The following PPP1R7 variants were observed in gnomAD, a reference collection of about 807,000 sequenced individuals.
The protein encoded by PPP1R7 is protein phosphatase 1 regulatory subunit 22.
A neutral mutation model predicts 45.2 loss-of-function variants in PPP1R7; 18 were observed. That is an observed-to-expected ratio of 0.40 (90% confidence interval 0.28 to 0.59). The LOEUF (loss-of-function observed/expected upper bound fraction) is 0.59, where lower values mean the gene tolerates loss of function less well. Ranked by LOEUF, PPP1R7 falls within the 20% of genes least tolerant of loss-of-function variation. PPP1R7 has a pLI of 0.46. For missense variants in PPP1R7, 314 were observed against 455.8 expected (o/e 0.69, Z 2.83); for synonymous variants, 181 against 183.4 (o/e 0.99, Z 0.11).
At chr2:241,165,788 G>A (rs979928568) in intron 7 of PPP1R7, among the ~76,000 whole-genome samples, 3 of 150,814 alleles carry the variant, frequency 2.0e-5, no homozygotes, top group Admixed American at 6.6e-5. Flanking sequence ...TCGTAGAGAC[G>A]GGGTTTCACC....
chr2:241,149,600 G>C, upstream of PPP1R7: 2 of 1,508,942 alleles, frequency 1.3e-6, no homozygotes, highest in Non-Finnish European at 1.8e-6. Context: ...GGGTTGCTAG[G>C]GACGCACCAA....
chr2:241,181,175 G>A (rs190431725), intron 9 of PPP1R7, among the ~76,000 whole-genome samples: 1 of 152,212 alleles, frequency 6.6e-6, no homozygotes, highest in African/African-American at 2.4e-5. Context: ...TCCAGCCTGG[G>A]CGACAGAGCG....
intron 9 of PPP1R7, among the ~76,000 whole-genome samples, chr2:241,176,118 G>A (rs528809086): frequency 6.6e-6 from 1 of 152,276 alleles, no homozygotes; most frequent in Admixed American, 6.5e-5. Flanking sequence ...TCACTGTGGT[G>A]TCCAGGCTGG....
chr2:241,156,675 T>TA (rs3831865), intron 2 of PPP1R7, among the ~76,000 whole-genome samples: 6 of 151,560 alleles, frequency 4.0e-5, no homozygotes, highest in Non-Finnish European at 7.4e-5. Context: ...CCCTGTCTCT[T>TA]AAAAAAAAAT....
rs751462364 is a variant in PPP1R7 at position 241,160,459 on chromosome 2, C to T, written c.562C>T (p.Leu188=). 3.1e-6 allele frequency: 5 copies of T among 1,610,978 alleles called. No homozygotes were observed. The highest frequency in any genetic ancestry group is 2.7e-5 in the African/African-American group (2 of 74,666). Residue 188 remains leucine (L), a synonymous_variant, in exon 6 of 10, where the codon CTA becomes TTA. Transcript: ENST00000234038. ...KIENLSNLHQ[L]QMLELGSNRI... is the part of the protein sequence containing the mutation. ...TGAGAACTTAAGCAACTTACATCAA[C>T]TACAGATGCTAGAGCTGGGATCTAA...
intron 9 of PPP1R7, among the ~76,000 whole-genome samples, chr2:241,179,326 C>G (rs892337136): frequency 1.3e-5 from 2 of 152,154 alleles, no homozygotes; most frequent in Non-Finnish European, 2.9e-5. Context: ...ACCAGCTGAT[C>G]TGCATGATAA....
At position 241,158,935 on chromosome 2, in the gene PPP1R7, C is replaced by A. The variant is rs535617957; in HGVS notation, c.304-278C>A. On this transcript the variant is annotated intron_variant, in intron 4 of 9. Coordinates refer to ENST00000234038, the MANE Select transcript of PPP1R7 (RefSeq NM_002712.3). Reference sequence around the variant, plus strand: ...CCAGGAAGTGGCAGACACCCACACCCCAGGCCAACGCCTCCCTCCCCAACT... The same window carrying A: ...CCAGGAAGTGGCAGACACCCACACCACAGGCCAACGCCTCCCTCCCCAACT... 6.0e-5 allele frequency: 27 copies of A among 448,428 alleles called. No homozygotes were observed. The Admixed American group carries it at 6.8e-4, about 11-fold the overall frequency. 27.8% of individuals were successfully genotyped at this position (448,428 alleles called of 1,614,324 possible).
In PPP1R7 at chr2:241,158,473, C is replaced by G. The variant is rs374912711; in HGVS notation, c.238-11C>G. 1.2e-5 allele frequency: 19 copies of G among 1,613,610 alleles called. No individual in the cohort carries two copies. The highest frequency in any genetic ancestry group is 1.5e-5 in the Non-Finnish European group (18 of 1,179,630). On this transcript the variant is annotated splice_polypyrimidine_tract_variant and intron_variant, in intron 3 of 9. Transcript: ENST00000234038. ...TGCTATAGCTGAGTATAGATTTCTG[C>G]TTTGTTTCAGGATGTTGATTTGAAT...
chr2:241,161,616 G>A (rs553941689), intron 6 of PPP1R7, among the ~76,000 whole-genome samples: 13 of 152,356 alleles, frequency 8.5e-5, no homozygotes, highest in African/African-American at 2.6e-4. Flanking sequence ...CCTTGAAAAC[G>A]TGGGACAGAA....
rs752950388 is a variant in PPP1R7, at chr2:241,153,446, G to A, written c.53-30G>A. 19 of 1,613,364 alleles carry A rather than the reference G, an allele frequency of 1.2e-5. 1 individual carries two copies. The highest frequency in any genetic ancestry group is 4.0e-5 in the African/African-American group (3 of 74,932). On this transcript the variant is annotated intron_variant, in intron 1 of 9. Coordinates refer to ENST00000234038, the MANE Select transcript of PPP1R7 (RefSeq NM_002712.3). ...TTCCTCAAAGTCCCATAAAGTGGAT[G>A]TGAATTCTCATTGACATGTGTGGGT... is the stretch of plus-strand genomic sequence containing the variant.
chr2:241,162,473 G>A (rs1433037425), intron 6 of PPP1R7, among the ~76,000 whole-genome samples: 4 of 152,162 alleles, frequency 2.6e-5, no homozygotes, highest in African/African-American at 7.2e-5. Flanking sequence ...GGGCAGCGTG[G>A]TCACTGCCTC....
chr2:241,166,004 G>A lies in PPP1R7; in HGVS notation c.715-333G>A, dbSNP rs988050201. ...TGCAATCTCCGCCTCCCGGGTTCAC[G>A]CCGTTCTCCTGCCTCAGCCTCCCGA... On this transcript the variant is annotated intron_variant, in intron 7 of 9. Transcript: ENST00000234038. Among the ~76,000 whole-genome samples the A allele has an allele frequency of 9.2e-5, 14 of 151,534 alleles. No individual in the cohort carries two copies. The South Asian group carries it at 1.9e-3, about 20-fold the overall frequency.
intron 9 of PPP1R7, among the ~76,000 whole-genome samples, chr2:241,181,129 C>T (rs1178848586): frequency 2.6e-5 from 4 of 152,054 alleles, no homozygotes; most frequent in African/African-American, 9.7e-5. Flanking sequence ...ACCCAGGAGG[C>T]GGAAGTTGCA....
Position 241,182,759 on chromosome 2 carries a change from G to A in PPP1R7, c.1019G>A (p.Arg340Gln), listed in dbSNP as rs2149075390. The A allele has an allele frequency of 1.2e-6, 2 of 1,614,144 alleles. No homozygotes were observed. Among genetic ancestry groups the A allele is most frequent in the Non-Finnish European group, 1.7e-6 (2 of 1,180,022 alleles). Reference sequence around the variant, plus strand: ...CCCTTGCAGAAGGACCCCCAGTACCGGCGGAAGGTCATGCTCGCCCTCCCC... The same window carrying A: ...CCCTTGCAGAAGGACCCCCAGTACCAGCGGAAGGTCATGCTCGCCCTCCCC... ...RNPLQKDPQY[R>Q]RKVMLALPSV... The change falls in exon 10 of 10, where the codon CGG becomes CAG. Residue 340 changes from arginine to glutamine, a missense_variant. Transcript: ENST00000234038.
intron 2 of PPP1R7, among the ~76,000 whole-genome samples, chr2:241,154,355 G>A (rs891835767): frequency 1.3e-5 from 2 of 151,926 alleles, no homozygotes; most frequent in African/African-American, 4.8e-5. Context: ...TCTGAGTCTT[G>A]CCTTACCATT....
At chr2:241,156,956 C>T (rs1268724030) in intron 2 of PPP1R7, among the ~76,000 whole-genome samples, 1 of 151,846 alleles carries the variant, frequency 6.6e-6, no homozygotes, top group Non-Finnish European at 1.5e-5. Flanking sequence ...GCCTGTGTGT[C>T]TTTGTGCATG....
Position 241,183,330 on chromosome 2 carries a change from A to T in PPP1R7, c.*507A>T, listed in dbSNP as rs898297033. ...AATTTTTTAAAAATTAGGTAAGTTAAAAAAGCTGGGTAAAAGCTGACTCAG... is the reference window on the plus strand; with the variant it reads ...AATTTTTTAAAAATTAGGTAAGTTATAAAAGCTGGGTAAAAGCTGACTCAG... On this transcript the variant is annotated 3_prime_UTR_variant, in exon 10 of 10. Transcript: ENST00000234038. 14 of 435,074 alleles carry T rather than the reference A, an allele frequency of 3.2e-5. No individual in the cohort carries two copies. Among genetic ancestry groups the T allele is most frequent in the African/African-American group, 2.9e-4 (14 of 47,906 alleles). The allele number at this position is 435,074 out of a possible 1,614,324, so 27.0% of individuals were successfully genotyped here. A position where few individuals can be genotyped will look rare whatever the true frequency, so the allele number is the denominator to read the frequency against.
intron 8 of PPP1R7, among the ~76,000 whole-genome samples, chr2:241,168,409 A>G (rs1294553711): frequency 2.0e-5 from 3 of 152,032 alleles, no homozygotes. Flanking sequence ...GATGACCATG[A>G]GCATCTCAGA....
intron 9 of PPP1R7, among the ~76,000 whole-genome samples, chr2:241,173,702 C>T (rs74003615): frequency 0.053 from 8,035 of 152,224 alleles, 726 homozygotes; most frequent in African/African-American, 0.18. Context: ...TGCATGTTCC[C>T]CTGGCACTAG....
Sources: gnomAD v4.1 joint callset for allele counts (sites outside exome capture counted in the v4.1 genomes callset) on GRCh38, gnomAD v4.1.1 for gene constraint, MANE v1.5 for transcripts, NCBI Gene and HGNC (gene_info 2026-07-23, HGNC 2026-07-21) for gene names.